NFIB: variants seen among roughly 807,000 people sequenced by gnomAD.
NFIB encodes nuclear factor 1 B-type.
In NFIB, 11 loss-of-function variants were observed where a neutral mutation model predicts 61.5. The ratio of observed to expected loss-of-function variants is 0.18; its 90% CI spans 0.11 to 0.30. NFIB has a LOEUF of 0.30. Among genes scored for constraint, NFIB ranks in the 10% least tolerant of loss-of-function variants. The pLI is 1.00. For missense variants in NFIB, 471 were observed against 608.9 expected (o/e 0.77, Z 2.38); for synonymous variants, 260 against 216.5 (o/e 1.20, Z -1.76).
At chr9:14,488,271 G>A in the NFIB span, among the ~76,000 whole-genome samples, 1 of 152,012 alleles carries the variant, frequency 6.6e-6, no homozygotes, top group East Asian at 1.9e-4. Context: ...GCTGCAGTGG[G>A]AGGATCACTT....
chr9:14,383,999 G>A (rs1402727115), intron 1 of NFIB, among the ~76,000 whole-genome samples: 4 of 152,240 alleles, frequency 2.6e-5, no homozygotes, highest in Non-Finnish European at 4.4e-5. Context: ...GAAAAGGCCG[G>A]GGTGCCCAGG....
At chr9:14,382,311 C>A (rs2061497626) in intron 1 of NFIB, among the ~76,000 whole-genome samples, 1 of 151,870 alleles carries the variant, frequency 6.6e-6, no homozygotes, top group African/African-American at 2.4e-5. Flanking sequence ...AGCTTCTGTA[C>A]AATTGTTGAC....
rs55765054 is a variant in NFIB at position 14,175,167 on chromosome 9, C to CTTTTTTTTTTT, written c.616+4549_616+4559dup. Among the ~76,000 whole-genome samples the CTTTTTTTTTTT allele has an allele frequency of 1.7e-4, 21 of 126,044 alleles. 2 individuals are homozygous for CTTTTTTTTTTT. The highest frequency in any genetic ancestry group is 6.2e-4 in the African/African-American group (19 of 30,546). The allele number at this position is 126,044 out of a possible 152,430, so 82.7% of individuals were successfully genotyped here. A position where few individuals can be genotyped will look rare whatever the true frequency, so the allele number is the denominator to read the frequency against. On this transcript the variant is annotated intron_variant, in intron 3 of 10. Coordinates refer to ENST00000380953, the MANE Select transcript of NFIB (RefSeq NM_001190737.2). ...AAAATTTTTATGACTTAAAGAATTT[C>CTTTTTTTTTTT]TTTTTTTTTTTTTTTTTTTTGAGAT...
At chr9:14,482,155 G>T in the NFIB span, among the ~76,000 whole-genome samples, 57 of 137,870 alleles carry the variant, frequency 4.1e-4, no homozygotes, top group African/African-American at 1.4e-3. Context: ...CAAGGTTTTG[G>T]TCACTGAGCT....
At chr9:14,388,367 AGAAGGAAGGAAG>A (rs55755915) in intron 1 of NFIB, among the ~76,000 whole-genome samples, 2,772 of 131,822 alleles carry the variant, frequency 0.021, 61 homozygotes, top group Middle Eastern at 0.026. Flanking sequence ...AGAGAAAGAA[AGAAGGAAGGAAG>A]GAAGGAAGGA....
At chr9:14,112,318 C>G (rs546250048) in intron 10 of NFIB, among the ~76,000 whole-genome samples, 1 of 152,294 alleles carries the variant, frequency 6.6e-6, no homozygotes, top group African/African-American at 2.4e-5. Context: ...TGTGGCTGAT[C>G]TGTTTATAAG....
Position 14,290,761 on chromosome 9 carries a change from C to T in NFIB, c.562+16228G>A, listed in dbSNP as rs1369906716. Reference sequence around the variant, plus strand: ...CAAGCCTCAGTAAAAAGGAGATTTTCCTAGTTTGAGGAACTTTCTTGTGTT... The same window carrying T: ...CAAGCCTCAGTAAAAAGGAGATTTTTCTAGTTTGAGGAACTTTCTTGTGTT... On this transcript the variant is annotated intron_variant, in intron 2 of 10. Coordinates refer to ENST00000380953, the MANE Select transcript of NFIB (RefSeq NM_001190737.2). Among the ~76,000 whole-genome samples the T allele has an allele frequency of 2.0e-5, 3 of 152,076 alleles. No homozygotes were observed. In the East Asian group the frequency reaches 5.8e-4, roughly 29 times the overall value.
intron 1 of NFIB, among the ~76,000 whole-genome samples, chr9:14,333,474 T>C (rs2060846320): frequency 6.6e-6 from 1 of 152,086 alleles, no homozygotes; most frequent in African/African-American, 2.4e-5. Context: ...TCTCCTTCCC[T>C]TAGGGCTCAT....
At chr9:14,437,877 G>A in the NFIB span, among the ~76,000 whole-genome samples, 1 of 152,248 alleles carries the variant, frequency 6.6e-6, no homozygotes, top group Non-Finnish European at 1.5e-5. Flanking sequence ...CCGTGAGGCT[G>A]AGGCTGGCCC....
intron 1 of NFIB, among the ~76,000 whole-genome samples, chr9:14,367,278 C>G (rs2061311818): frequency 6.6e-6 from 1 of 151,964 alleles, no homozygotes; most frequent in Non-Finnish European, 1.5e-5. Context: ...CCATAGTGAA[C>G]TCAGAGTCTT....
chr9:14,164,312 A>C (rs1434432088), intron 3 of NFIB, among the ~76,000 whole-genome samples: 1 of 152,050 alleles, frequency 6.6e-6, no homozygotes, highest in East Asian at 1.9e-4. Context: ...TGAACATCAC[A>C]GAGTGTACTT....
intron 1 of NFIB, among the ~76,000 whole-genome samples, chr9:14,347,886 AGC>A (rs962314243): frequency 1.3e-5 from 2 of 151,948 alleles, no homozygotes; most frequent in African/African-American, 2.4e-5. Context: ...GCAAGGGCCG[AGC>A]GCGCGCGCGC....
At chr9:14,379,135 G>C (rs2132994414) in intron 1 of NFIB, among the ~76,000 whole-genome samples, 1 of 152,214 alleles carries the variant, frequency 6.6e-6, no homozygotes, top group East Asian at 1.9e-4. Context: ...CTTACCATCT[G>C]GTGTATCTCT....
chr9:14,440,509 C>T, the NFIB span, among the ~76,000 whole-genome samples: 9 of 152,318 alleles, frequency 5.9e-5, no homozygotes, highest in East Asian at 1.7e-3. Context: ...TCAACCTTCT[C>T]AATGAATGTC....
At chr9:14,100,421 T>C (rs868479699) in intron 10 of NFIB, among the ~76,000 whole-genome samples, 26 of 151,942 alleles carry the variant, frequency 1.7e-4, no homozygotes, top group Admixed American at 5.2e-4. Flanking sequence ...TTTAAAAAAT[T>C]ACTGTGGCCG....
the NFIB span, among the ~76,000 whole-genome samples, chr9:14,500,855 C>A: frequency 6.6e-6 from 1 of 152,100 alleles, no homozygotes; most frequent in East Asian, 1.9e-4. Flanking sequence ...TTCTGAAAAC[C>A]GCCCACTCCC....
the NFIB span, among the ~76,000 whole-genome samples, chr9:14,501,690 G>A: frequency 6.6e-6 from 1 of 152,170 alleles, no homozygotes; most frequent in Non-Finnish European, 1.5e-5. Flanking sequence ...GGCAGGATTT[G>A]CCCCAATGCT....
chr9:14,497,614 A>G, the NFIB span, among the ~76,000 whole-genome samples: 1 of 152,214 alleles, frequency 6.6e-6, no homozygotes, highest in East Asian at 1.9e-4. Context: ...TTGCCTCATA[A>G]GGACCCATTG....
At chr9:14,463,251 A>G in the NFIB span, among the ~76,000 whole-genome samples, 1 of 151,946 alleles carries the variant, frequency 6.6e-6, no homozygotes, top group African/African-American at 2.4e-5. Flanking sequence ...GCAGCTACCC[A>G]GCAATAAATG....
Sources: gnomAD v4.1 joint callset for allele counts (sites outside exome capture counted in the v4.1 genomes callset) on GRCh38, gnomAD v4.1.1 for gene constraint, MANE v1.5 for transcripts, NCBI Gene and HGNC (gene_info 2026-07-23, HGNC 2026-07-21) for gene names.